PDGFC: variants seen among roughly 807,000 people sequenced by gnomAD.
PDGFC encodes the protein platelet derived growth factor C.
Under a neutral mutation model 35.5 loss-of-function variants are expected in PDGFC, and 12 were observed. That is an observed-to-expected ratio of 0.34 (90% CI 0.22 to 0.55). PDGFC has a LOEUF of 0.55. Ranked by LOEUF, PDGFC falls within the 20% of genes least tolerant of loss-of-function variation. PDGFC has a pLI of 0.91. For synonymous variants in PDGFC, 159 were observed against 148.8 expected (o/e 1.07, Z -0.50); for missense variants, 322 against 412.4 (o/e 0.78, Z 1.90).
At chr4:156,781,207 C>T (rs1442556016) in intron 3 of PDGFC, among the ~76,000 whole-genome samples, 2 of 152,118 alleles carry the variant, frequency 1.3e-5, no homozygotes. Flanking sequence ...ACTCCATATC[C>T]CACATCAAGT....
At chr4:156,953,548 A>G (rs2110945958) in intron 1 of PDGFC, among the ~76,000 whole-genome samples, 1 of 152,110 alleles carries the variant, frequency 6.6e-6, no homozygotes, top group East Asian at 1.9e-4. Flanking sequence ...TTGTCTTGAA[A>G]AAGTAGAGAA....
chr4:156,851,029 A>G (rs1408939156), intron 1 of PDGFC, among the ~76,000 whole-genome samples: 1 of 152,152 alleles, frequency 6.6e-6, no homozygotes, highest in African/African-American at 2.4e-5. Context: ...ACGACACACT[A>G]TTTACAGCTT....
intron 1 of PDGFC, among the ~76,000 whole-genome samples, chr4:156,874,143 C>T (rs1579070226): frequency 6.6e-6 from 1 of 152,288 alleles, no homozygotes; most frequent in South Asian, 2.1e-4. Flanking sequence ...AGAAAATAAA[C>T]AGCTTTGAAC....
At chr4:156,780,107 G>GTTTTTTTTTTTTTTT (rs35403686) in intron 3 of PDGFC, among the ~76,000 whole-genome samples, 1 of 125,026 alleles carries the variant, frequency 8.0e-6, no homozygotes, top group Non-Finnish European at 1.7e-5. Flanking sequence ...CAAAATTAAG[G>GTTTTTTTTTTTTTTT]TTTTTTTTTT....
chr4:156,851,884 TC>T (rs1229704987), intron 1 of PDGFC, among the ~76,000 whole-genome samples: 1 of 120,532 alleles, frequency 8.3e-6, no homozygotes, highest in African/African-American at 3.3e-5. Flanking sequence ...TGAGGGGAGA[TC>T]CCGCCACTGC....
chr4:156,859,998 A>T (rs766250513), intron 1 of PDGFC, among the ~76,000 whole-genome samples: 4 of 152,190 alleles, frequency 2.6e-5, no homozygotes, highest in Admixed American at 6.6e-5. Flanking sequence ...AGCTAGCTTT[A>T]TGACAACAGC....
intron 1 of PDGFC, among the ~76,000 whole-genome samples, chr4:156,904,699 C>T (rs1050108082): frequency 6.6e-6 from 1 of 152,094 alleles, no homozygotes; most frequent in Admixed American, 6.5e-5. Flanking sequence ...TGTACCTCCT[C>T]AGCAAATCCT....
At chr4:156,789,102 T>G (rs1731208595) in intron 3 of PDGFC, among the ~76,000 whole-genome samples, 1 of 152,176 alleles carries the variant, frequency 6.6e-6, no homozygotes, top group African/African-American at 2.4e-5. Context: ...TGGAAATACT[T>G]TTGTTTTATT....
intron 1 of PDGFC, among the ~76,000 whole-genome samples, chr4:156,920,644 AACACACACACACACACACACAC>A (rs10611712): frequency 6.8e-5 from 9 of 132,048 alleles, no homozygotes; most frequent in African/African-American, 1.3e-4. Context: ...AGGAAAAGAA[AACACACACACACACACACACAC>A]ACACACACAC....
Position 156,971,278 on chromosome 4 carries a change from G to A in PDGFC, c.-375C>T, listed in dbSNP as rs1257555870. On this transcript the variant is annotated 5_prime_UTR_variant, in exon 1 of 6. Coordinates refer to ENST00000502773, the MANE Select transcript of PDGFC (RefSeq NM_016205.3). ...AGTTGCTGGGAGCACCTGTCAGTTC[G>A]GGGGACAGGACAGAGGCGAAAACTC... The A allele has an allele frequency of 9.3e-6, 4 of 430,502 alleles. No homozygotes were observed. The East Asian group carries it at 1.3e-4, about 14-fold the overall frequency. The allele number at this position is 430,502 out of a possible 1,614,324, so 26.7% of individuals were successfully genotyped here. A position where few individuals can be genotyped will look rare whatever the true frequency, so the allele number is the denominator to read the frequency against.
At chr4:156,961,578 C>T (rs1579128230) in intron 1 of PDGFC, among the ~76,000 whole-genome samples, 1 of 152,100 alleles carries the variant, frequency 6.6e-6, no homozygotes, top group East Asian at 1.9e-4. Context: ...TTAAATACCA[C>T]AAAATCTTTC....
At chr4:156,854,132 AT>A (rs1368261510) in intron 1 of PDGFC, among the ~76,000 whole-genome samples, 1 of 152,200 alleles carries the variant, frequency 6.6e-6, no homozygotes, top group Non-Finnish European at 1.5e-5. Context: ...ATTTATAAAA[AT>A]AATCCTTCTC....
intron 1 of PDGFC, among the ~76,000 whole-genome samples, chr4:156,879,543 A>G (rs1165282664): frequency 6.6e-6 from 1 of 152,198 alleles, no homozygotes; most frequent in Non-Finnish European, 1.5e-5. Flanking sequence ...TTTTACTAAC[A>G]AGCACAGGAC....
chr4:156,916,320 T>C (rs1350559695), intron 1 of PDGFC, among the ~76,000 whole-genome samples: 1 of 152,198 alleles, frequency 6.6e-6, no homozygotes, highest in Non-Finnish European at 1.5e-5. Context: ...GAGTTAATTA[T>C]GAGCTATCCA....
intron 5 of PDGFC, among the ~76,000 whole-genome samples, chr4:156,764,340 A>G (rs1730460189): frequency 6.6e-6 from 1 of 152,194 alleles, no homozygotes. Context: ...TTGAATGCTT[A>G]CTGGGTGCCA....
chr4:156,945,380 TA>T, intron 1 of PDGFC, among the ~76,000 whole-genome samples: 1 of 119,798 alleles, frequency 8.3e-6, no homozygotes, highest in African/African-American at 3.6e-5. Context: ...TATATATATA[TA>T]TATATATATA....
chr4:156,818,251 G>A (rs556637507), intron 2 of PDGFC, among the ~76,000 whole-genome samples: 5 of 151,444 alleles, frequency 3.3e-5, no homozygotes, highest in South Asian at 2.1e-4. Flanking sequence ...CACAGATACC[G>A]CGTTTTTTAC....
chr4:156,872,574 T>C (rs999026233), intron 1 of PDGFC, among the ~76,000 whole-genome samples: 12 of 152,190 alleles, frequency 7.9e-5, no homozygotes, highest in African/African-American at 2.9e-4. Flanking sequence ...CTTAAGCTTA[T>C]AGGCCTTCAT....
intron 5 of PDGFC, among the ~76,000 whole-genome samples, chr4:156,765,683 A>G (rs1392240002): frequency 6.6e-6 from 1 of 152,212 alleles, no homozygotes; most frequent in Non-Finnish European, 1.5e-5. Flanking sequence ...TAAGCCAAGT[A>G]AGAACAGAGA....
Sources: gnomAD v4.1 joint callset for allele counts (sites outside exome capture counted in the v4.1 genomes callset) on GRCh38, gnomAD v4.1.1 for gene constraint, MANE v1.5 for transcripts, NCBI Gene and HGNC (gene_info 2026-07-23, HGNC 2026-07-21) for gene names.